The following ZFR variants were observed in gnomAD, a reference collection of about 807,000 sequenced individuals.
ZFR encodes the protein zinc finger RNA-binding protein.
Under a neutral mutation model 130.7 loss-of-function variants are expected in ZFR, and 19 were observed. The ratio of observed to expected loss-of-function variants is 0.15; its 90% confidence interval spans 0.10 to 0.21. ZFR has a LOEUF of 0.21. Among genes scored for constraint, ZFR ranks in the 10% least tolerant of loss-of-function variants. The probability of loss-of-function intolerance (pLI) is 1.00; values close to 1 mark genes in which losing one functional copy is unlikely to be tolerated. For missense variants in ZFR, 872 were observed against 1,321.5 expected, an observed-to-expected ratio of 0.66 and a Z score of 5.27; for synonymous variants, 466 against 456.9, an observed-to-expected ratio of 1.02 and a Z score of -0.25.
At chr5:32,424,556 A>T (rs907511388) in intron 2 of ZFR, among the ~76,000 whole-genome samples, 2 of 151,944 alleles carry the variant, frequency 1.3e-5, no homozygotes, top group Non-Finnish European at 2.9e-5. Context: ...AAAGAAAAAG[A>T]AAAAAGGTAA....
chr5:32,385,897 ATC>A (rs1561878002), intron 14 of ZFR, among the ~76,000 whole-genome samples: 45 of 152,018 alleles, frequency 3.0e-4, no homozygotes, highest in Admixed American at 2.0e-3. Flanking sequence ...ACATAGGTCT[ATC>A]TCTCTTAGAT....
At position 32,444,674 on chromosome 5, in the gene ZFR, C is replaced by T; in HGVS notation, c.-16G>A. The T allele has an allele frequency of 1.3e-6, 2 of 1,508,304 alleles. No individual in the cohort carries two copies. The highest frequency in any genetic ancestry group is 1.8e-6 in the Non-Finnish European group (2 of 1,128,268). 93.4% of individuals were successfully genotyped at this position (1,508,304 alleles called of 1,614,324 possible). The stretch of plus-strand genomic sequence containing the variant: ...TGGGAATCATGGGCTCGGGCTGCTG[C>T]TGCTGAACTCTGAACTCTCACCCGC... On this transcript the variant is annotated 5_prime_UTR_variant, in exon 1 of 20. Transcript: ENST00000265069.
chr5:32,367,647 C>CA (rs1465226425), intron 17 of ZFR, among the ~76,000 whole-genome samples: 2 of 151,960 alleles, frequency 1.3e-5, no homozygotes, highest in African/African-American at 4.8e-5. Context: ...CTCCTGGGCT[C>CA]AAGTGATCTT....
At position 32,354,926 on chromosome 5, in the gene ZFR, A is replaced by G. The variant is rs192882845; in HGVS notation, c.*834T>C. On this transcript the variant is annotated 3_prime_UTR_variant, in exon 20 of 20. Coordinates refer to ENST00000265069, the MANE Select transcript of ZFR (RefSeq NM_016107.5). ...TCAGAAAGTTATTTTTGGCCTTGCT[A>G]TGTCAAAAAGTCAACTGTACAAAGA... The G allele has an allele frequency of 2.0e-5, 3 of 152,342 alleles. No homozygotes were observed. The highest frequency in any genetic ancestry group is 1.3e-4 in the Admixed American group (2 of 15,304). The allele number at this position is 152,342 out of a possible 1,614,324, so 9.4% of individuals were successfully genotyped here. A position where few individuals can be genotyped will look rare whatever the true frequency, so the allele number is the denominator to read the frequency against.
At chr5:32,390,569 T>G in intron 11 of ZFR, 132 bp from the exon 12 acceptor site, 1 of 877,334 alleles carries the variant, frequency 1.1e-6, no homozygotes, top group Non-Finnish European at 1.6e-6. Flanking sequence ...CCCAAATGTA[T>G]CTGATTTTCC....
rs1208781969 is a variant in ZFR at position 32,415,004 on chromosome 5, C to T, written c.749G>A (p.Ser250Asn). Residue 250 changes from serine (S) to asparagine (N), a missense_variant, in exon 5 of 20, where the codon AGT (serine) becomes AAT (asparagine). Coordinates refer to ENST00000265069, the MANE Select transcript of ZFR (RefSeq NM_016107.5). Reference protein sequence around the residue: ...AATVVPSYTQSATYSTTAVTY... With the variant: ...AATVVPSYTQNATYSTTAVTY... ...AACTGCTGTGGTACTGTAAGTAGCA[C>T]TCTGAGTATAGGATGGCACCACAGT... The T allele has an allele frequency of 2.5e-6, 4 of 1,613,956 alleles. No individual in the cohort carries two copies. The East Asian group carries it at 8.9e-5, about 36-fold the overall frequency.
chr5:32,389,607 G>A (rs995477351), intron 12 of ZFR, among the ~76,000 whole-genome samples: 1 of 152,136 alleles, frequency 6.6e-6, no homozygotes, highest in African/African-American at 2.4e-5. Flanking sequence ...CTATGATCAT[G>A]CCACTGCACT....
intron 15 of ZFR, among the ~76,000 whole-genome samples, chr5:32,384,191 A>G (rs893745278): frequency 2.0e-5 from 3 of 152,248 alleles, no homozygotes; most frequent in African/African-American, 7.2e-5. Context: ...AGCAACATTT[A>G]TAATGTATCA....
At chr5:32,410,574 C>T (rs1248980298) in intron 5 of ZFR, among the ~76,000 whole-genome samples, 2 of 151,070 alleles carry the variant, frequency 1.3e-5, no homozygotes, top group Non-Finnish European at 2.9e-5. Flanking sequence ...TGCCACTGCA[C>T]TCCAGCCTGG....
chr5:32,380,534 T>A (rs2111709786), intron 15 of ZFR: 2 of 165,068 alleles, frequency 1.2e-5, no homozygotes, highest in East Asian at 3.3e-4. Context: ...TGTTCAGTAC[T>A]CTAAATGGTC....
chr5:32,383,177 A>G (rs1200761644), intron 15 of ZFR, among the ~76,000 whole-genome samples: 2 of 152,228 alleles, frequency 1.3e-5, no homozygotes, highest in Non-Finnish European at 2.9e-5. Flanking sequence ...GACAAAACAA[A>G]CAAAACAGCC....
chr5:32,389,187 T>A (rs563126070), intron 12 of ZFR, among the ~76,000 whole-genome samples: 61 of 152,344 alleles, frequency 4.0e-4, no homozygotes, highest in South Asian at 1.7e-3. Flanking sequence ...TCCTATAGTC[T>A]TAATAACACA....
intron 19 of ZFR, among the ~76,000 whole-genome samples, chr5:32,361,850 G>A (rs1029264454): frequency 6.6e-6 from 1 of 152,048 alleles, no homozygotes; most frequent in African/African-American, 2.4e-5. Flanking sequence ...CTGACCTCAG[G>A]TGGCCCGCCC....
intron 15 of ZFR, among the ~76,000 whole-genome samples, chr5:32,380,707 T>A (rs1251886021): frequency 7.4e-6 from 1 of 136,044 alleles, no homozygotes; most frequent in South Asian, 2.3e-4. Flanking sequence ...CAGGCTGGAG[T>A]GCACGATCTC....
At chr5:32,440,538 T>G (rs1754445926) in intron 2 of ZFR, among the ~76,000 whole-genome samples, 1 of 151,686 alleles carries the variant, frequency 6.6e-6, no homozygotes, top group African/African-American at 2.4e-5. Context: ...TCCCAGCTAC[T>G]CAGGAGGCTG....
At chr5:32,403,616 A>T (rs944343788) in intron 7 of ZFR, among the ~76,000 whole-genome samples, 3 of 152,220 alleles carry the variant, frequency 2.0e-5, no homozygotes, top group Non-Finnish European at 4.4e-5. Flanking sequence ...TTAGGTGAGG[A>T]AACTGAGGTA....
intron 17 of ZFR, among the ~76,000 whole-genome samples, chr5:32,372,885 A>G (rs1752707381): frequency 6.6e-6 from 1 of 152,134 alleles, no homozygotes; most frequent in Non-Finnish European, 1.5e-5. Flanking sequence ...CTGAAGTTAA[A>G]AAATTAAGAG....
chr5:32,392,589 A>G (rs936433271), intron 11 of ZFR, among the ~76,000 whole-genome samples: 2 of 152,338 alleles, frequency 1.3e-5, no homozygotes, highest in South Asian at 2.1e-4. Flanking sequence ...AATGGCTATC[A>G]CATTTAATTG....
Position 32,444,310 on chromosome 5 carries a change from T to C in ZFR, c.56A>G (p.Glu19Gly). 6.5e-7 allele frequency: 1 copy of C among 1,542,676 alleles called. No homozygotes were observed. The highest frequency in any genetic ancestry group is 1.2e-5 in the South Asian group (1 of 82,704). The change falls in exon 2 of 20, where the codon GAA (glutamate) becomes GGA (glycine). Residue 19 changes from glutamate to glycine, a missense_variant. Physicochemically the swap from Glu to Gly is moderately conservative, Grantham distance 98. This residue lies in a region of ZFR where 240 missense variants were observed against 441.2 expected (regional missense o/e 0.54). Transcript: ENST00000265069. ...GTTGCCGGTCGCCATTTTGGCATCT[T>C]CCCCCAGCCGGCTGGGCACTGCGGC... Reference protein sequence around the residue: ...SFTYVPSRLGEDAKMATGNYF... With the variant: ...SFTYVPSRLGGDAKMATGNYF...
Sources: allele counts gnomAD v4.1 joint callset (sites outside exome capture counted in the v4.1 genomes callset), GRCh38; gene constraint gnomAD v4.1.1; regional missense constraint gnomAD v4.1.1; transcripts MANE v1.5; gene names NCBI Gene and HGNC (gene_info 2026-07-23, HGNC 2026-07-21).